Variants in PCDH11X observed in about 807,000 individuals in gnomAD.
The protein encoded by PCDH11X is protocadherin-11 X-linked.
Under a neutral mutation model 53.3 loss-of-function variants are expected in PCDH11X, and 18 were observed. The ratio of observed to expected loss-of-function variants is 0.34; its 90% CI spans 0.23 to 0.50. PCDH11X has a LOEUF of 0.50. Among genes scored for constraint, PCDH11X ranks in the 20% least tolerant of loss-of-function variants. The pLI is 0.98. For synonymous variants in PCDH11X, 279 were observed against 393.3 expected, an observed-to-expected ratio of 0.71 and a Z score of 3.44; for missense variants, 570 against 1,032.4, an observed-to-expected ratio of 0.55 and a Z score of 6.14.
intron 9 of PCDH11X, among the ~76,000 whole-genome samples, chrX:92,415,086 C>A (rs1378807123): frequency 9.0e-6 from 1 of 111,050 alleles, no homozygotes; most frequent in Non-Finnish European, 1.9e-5. Context: ...AAACGTCATA[C>A]TTTTTTAAAC....
chrX:92,354,630 A>C (rs1050744800), intron 8 of PCDH11X, among the ~76,000 whole-genome samples: 96 of 111,731 alleles, frequency 8.6e-4, no homozygotes, highest in Non-Finnish European at 1.6e-3. Context: ...CTACTCCACA[A>C]ACTCCTTTTA....
Position 92,278,865 on chromosome X carries a change from G to A in PCDH11X, c.3144+15722G>A, listed in dbSNP as rs183627022. On this transcript the variant is annotated intron_variant, in intron 8 of 10. Coordinates refer to ENST00000682573, the MANE Select transcript of PCDH11X (RefSeq NM_032968.5). ...TCACTGTTGTTGTTCAGGCTGGAGT[G>A]CAATGGTGCGATCTCAGGTCACTGC... is the stretch of plus-strand genomic sequence containing the variant. Among the ~76,000 whole-genome samples the A allele has an allele frequency of 6.3e-3, 602 of 96,088 alleles. 5 individuals carry two copies. The highest frequency in any genetic ancestry group is 0.023 in the African/African-American group (571 of 24,666). 83.4% of individuals were successfully genotyped at this position (96,088 alleles called of 115,157 possible). A position where few individuals can be genotyped will look rare whatever the true frequency, so the allele number is the denominator to read the frequency against.
intron 10 of PCDH11X, among the ~76,000 whole-genome samples, chrX:92,577,984 A>G (rs1163663867): frequency 9.2e-6 from 1 of 108,880 alleles, no homozygotes; most frequent in African/African-American, 3.4e-5. Flanking sequence ...AGTAAGTGCC[A>G]TGTGGCAAAG....
intron 4 of PCDH11X, among the ~76,000 whole-genome samples, chrX:91,834,167 G>A (rs1056469187): frequency 9.0e-6 from 1 of 110,694 alleles, no homozygotes; most frequent in African/African-American, 3.3e-5. Flanking sequence ...TCCAGAAGAA[G>A]CACATTAGAA....
At chrX:92,493,631 T>C (rs1046919994) in intron 10 of PCDH11X, among the ~76,000 whole-genome samples, 6 of 100,740 alleles carry the variant, frequency 6.0e-5, no homozygotes, top group African/African-American at 2.2e-4. Flanking sequence ...ACTTACATAA[T>C]GTTTGCCCCC....
chrX:91,970,199 G>A (rs2061934863), intron 6 of PCDH11X, among the ~76,000 whole-genome samples: 2 of 111,258 alleles, frequency 1.8e-5, no homozygotes, highest in African/African-American at 3.3e-5. Flanking sequence ...AAAGTGAGCA[G>A]CAGCAAAATT....
intron 10 of PCDH11X, among the ~76,000 whole-genome samples, chrX:92,520,183 C>A (rs2148715328): frequency 9.2e-6 from 1 of 108,910 alleles, no homozygotes; most frequent in South Asian, 3.9e-4. Context: ...CAGTTCCAGA[C>A]CATTGCAATA....
At chrX:92,191,018 C>G (rs2066182935) in intron 6 of PCDH11X, among the ~76,000 whole-genome samples, 1 of 111,817 alleles carries the variant, frequency 8.9e-6, no homozygotes, top group African/African-American at 3.2e-5. Flanking sequence ...TGTTAATTTT[C>G]TATGTTTGTA....
At chrX:91,919,571 T>C (rs997156005) in intron 6 of PCDH11X, among the ~76,000 whole-genome samples, 1 of 111,164 alleles carries the variant, frequency 9.0e-6, no homozygotes, top group Admixed American at 9.6e-5. Context: ...AAATTGCTGT[T>C]TTCAATGCAC....
intron 10 of PCDH11X, among the ~76,000 whole-genome samples, chrX:92,593,878 A>C (rs1035838831): frequency 3.0e-5 from 3 of 99,553 alleles, no homozygotes; most frequent in Non-Finnish European, 6.1e-5. Context: ...GGTCAAACTG[A>C]TTAAGATGGT....
chrX:91,859,137 G>T lies in PCDH11X; in HGVS notation c.541-17644G>T, dbSNP rs745430768. ...ACAGCCTGGCCGGAATCTGTATTTT[G>T]TGGACATTTTAATAATTGTCATTCT... On this transcript the variant is annotated intron_variant, in intron 5 of 10. Transcript: ENST00000682573. Among the ~76,000 whole-genome samples the T allele has an allele frequency of 7.8e-4, 87 of 111,406 alleles. 1 individual carries two copies. Among genetic ancestry groups the T allele is most frequent in the African/African-American group, 2.7e-3 (84 of 30,686 alleles).
intron 10 of PCDH11X, among the ~76,000 whole-genome samples, chrX:92,481,606 G>A (rs1456668812): frequency 1.8e-5 from 2 of 110,749 alleles, no homozygotes; most frequent in Non-Finnish European, 3.8e-5. Context: ...ACCAAGGGGT[G>A]CGCAGGTTGG....
intron 6 of PCDH11X, among the ~76,000 whole-genome samples, chrX:92,074,595 C>T (rs1294452329): frequency 9.0e-6 from 1 of 111,527 alleles, no homozygotes; most frequent in African/African-American, 3.3e-5. Context: ...ATTCATTCAC[C>T]TATTGACCAC....
At chrX:92,511,766 T>C (rs1029650889) in intron 10 of PCDH11X, among the ~76,000 whole-genome samples, 10 of 111,460 alleles carry the variant, frequency 9.0e-5, no homozygotes, top group African/African-American at 3.3e-4. Context: ...CAATTCAGTA[T>C]AGCAGAAAAA....
intron 6 of PCDH11X, among the ~76,000 whole-genome samples, chrX:91,886,512 T>G (rs1462373738): frequency 9.0e-6 from 1 of 111,219 alleles, no homozygotes; most frequent in Non-Finnish European, 1.9e-5. Flanking sequence ...TATGCAAGTT[T>G]ATTTTTAATG....
At chrX:92,268,758 A>G (rs138754825) in intron 8 of PCDH11X, among the ~76,000 whole-genome samples, 404 of 111,748 alleles carry the variant, frequency 3.6e-3, no homozygotes, top group Middle Eastern at 9.3e-3. Flanking sequence ...CAGATAATGT[A>G]AAGGACACTT....
intron 7 of PCDH11X, among the ~76,000 whole-genome samples, chrX:92,203,850 G>C (rs1360384564): frequency 8.9e-6 from 1 of 111,884 alleles, no homozygotes; most frequent in African/African-American, 3.3e-5. Context: ...CAATCCGGGT[G>C]GTACCAGTTG....
intron 9 of PCDH11X, among the ~76,000 whole-genome samples, chrX:92,429,961 A>G (rs2072213902): frequency 9.1e-6 from 1 of 109,535 alleles, no homozygotes; most frequent in Non-Finnish European, 1.9e-5. Flanking sequence ...CCATATGAGA[A>G]CATGAGCCTT....
At chrX:91,965,459 T>C (rs904270436) in intron 6 of PCDH11X, among the ~76,000 whole-genome samples, 14 of 109,965 alleles carry the variant, frequency 1.3e-4, no homozygotes, top group African/African-American at 4.4e-4. Context: ...TTAGAGGCCA[T>C]GTACATTAGA....
Sources: gnomAD v4.1 joint callset for allele counts (sites outside exome capture counted in the v4.1 genomes callset) on GRCh38, gnomAD v4.1.1 for gene constraint, MANE v1.5 for transcripts, NCBI Gene and HGNC (gene_info 2026-07-23, HGNC 2026-07-21) for gene names.